Variants in ITSN1 observed in about 807,000 individuals in gnomAD.
The protein encoded by ITSN1 is intersectin-1.
ITSN1 carries 58 observed loss-of-function variants against 239.8 expected under a neutral mutation model. The observed-to-expected ratio is 0.24, with a 90% CI of 0.20 to 0.30. ITSN1 has a LOEUF of 0.30. ITSN1 is among the 10% of genes least tolerant of loss of function. The pLI, the probability that ITSN1 is intolerant of heterozygous loss-of-function variation, is 1.00. For missense variants in ITSN1, 1,558 were observed against 2,103.3 expected, an observed-to-expected ratio of 0.74 and a Z score of 5.07; for synonymous variants, 780 against 770.8, an observed-to-expected ratio of 1.01 and a Z score of -0.20.
At chr21:33,711,653 TGTG>T (rs898085296) in intron 1 of ITSN1, among the ~76,000 whole-genome samples, 15 of 10,802 alleles carry the variant, frequency 1.4e-3, no homozygotes, top group South Asian at 0.011. Context: ...TTCTGTGTGT[TGTG>T]TGTGTGTGTG....
chr21:33,823,267 C>A (rs2073794348), intron 24 of ITSN1, among the ~76,000 whole-genome samples: 1 of 152,166 alleles, frequency 6.6e-6, no homozygotes, highest in African/African-American at 2.4e-5. Flanking sequence ...TGGGTCTTCC[C>A]AGGAATTGTC....
At position 33,718,865 on chromosome 21, in the gene ITSN1, TC is replaced by T; in HGVS notation, c.28+10del. The T allele has an allele frequency of 1.9e-6, 3 of 1,611,418 alleles. No individual in the cohort carries two copies. Among genetic ancestry groups the T allele is most frequent in the Non-Finnish European group, 2.5e-6 (3 of 1,178,114 alleles). On this transcript the variant is annotated intron_variant, in intron 2 of 39. Coordinates refer to ENST00000381318, the MANE Select transcript of ITSN1 (RefSeq NM_003024.3). ...TCCAACACCTTTTGGTGGTAAGTTTTCAGAAATTTCTCTTTTTAATGTACTT... is the reference window on the plus strand; with the variant it reads ...TCCAACACCTTTTGGTGGTAAGTTTTAGAAATTTCTCTTTTTAATGTACTT...
chr21:33,845,372 T>A (rs1483017161), intron 29 of ITSN1, among the ~76,000 whole-genome samples: 1 of 152,124 alleles, frequency 6.6e-6, no homozygotes, highest in Non-Finnish European at 1.5e-5. Context: ...GAAGGATGAC[T>A]GAGTCTTCGA....
intron 1 of ITSN1, among the ~76,000 whole-genome samples, chr21:33,653,766 C>A (rs1286809601): frequency 6.6e-6 from 1 of 152,152 alleles, no homozygotes; most frequent in Non-Finnish European, 1.5e-5. Context: ...TCGTGATCCG[C>A]CCGTCTCGGC....
At chr21:33,842,657 G>A (rs2074864184) in intron 29 of ITSN1, among the ~76,000 whole-genome samples, 1 of 152,162 alleles carries the variant, frequency 6.6e-6, no homozygotes, top group Non-Finnish European at 1.5e-5. Flanking sequence ...AGAAGATTCT[G>A]GCAGAGGCTG....
At chr21:33,857,441 C>A (rs954480990) in intron 30 of ITSN1, among the ~76,000 whole-genome samples, 2 of 152,202 alleles carry the variant, frequency 1.3e-5, no homozygotes, top group Non-Finnish European at 2.9e-5. Context: ...AGATGCGGAG[C>A]CCGGCGCTCC....
intron 4 of ITSN1, among the ~76,000 whole-genome samples, chr21:33,731,971 G>T (rs1159571305): frequency 6.6e-6 from 1 of 152,148 alleles, no homozygotes; most frequent in Non-Finnish European, 1.5e-5. Context: ...GGAGACATAA[G>T]ACATCAATCA....
rs1455472192 is a variant in ITSN1, at chr21:33,765,908, T to A, written c.822T>A (p.Leu274=). ...NLSDIDQDGK[L]TAEEFILAMH... ...CTGACATTGATCAAGATGGAAAACT[T>A]ACAGCAGAGGAATTTATCCTGGCAA... Residue 274 remains leucine (L), a synonymous_variant, in exon 10 of 40, where the codon CTT becomes CTA. Coordinates refer to ENST00000381318, the MANE Select transcript of ITSN1 (RefSeq NM_003024.3). 6.2e-7 allele frequency: 1 copy of A among 1,614,164 alleles called. No homozygotes were observed. The highest frequency in any genetic ancestry group is 8.5e-7 in the Non-Finnish European group (1 of 1,179,986).
rs1412760893 is a variant in ITSN1, at chr21:33,856,872, G to A, written c.3783+15G>A. The A allele has an allele frequency of 1.2e-6, 2 of 1,613,696 alleles. No individual in the cohort carries two copies. Among genetic ancestry groups the A allele is most frequent in the Admixed American group, 1.7e-5 (1 of 60,016 alleles). On this transcript the variant is annotated intron_variant, in intron 30 of 39. Transcript: ENST00000381318. ...TGGTCACAGAGGTAAGGGAGCTGGT[G>A]GGGCAGGGGGCACGGCAGGGGGCGA...
chr21:33,644,400 A>G (rs1258662275), intron 1 of ITSN1, among the ~76,000 whole-genome samples: 1 of 152,212 alleles, frequency 6.6e-6, no homozygotes, highest in East Asian at 1.9e-4. Flanking sequence ...AGTCCAGTGG[A>G]GATCATTTCT....
chr21:33,784,915 G>T (rs2070530201), intron 16 of ITSN1, among the ~76,000 whole-genome samples: 1 of 152,188 alleles, frequency 6.6e-6, no homozygotes. Flanking sequence ...AGTGCCTTTA[G>T]AGCATCCACG....
At chr21:33,786,279 G>T (rs2070669557) in intron 16 of ITSN1, among the ~76,000 whole-genome samples, 1 of 152,140 alleles carries the variant, frequency 6.6e-6, no homozygotes, top group Non-Finnish European at 1.5e-5. Context: ...AATGTGTTCT[G>T]TATGTAACAA....
At position 33,865,232 on chromosome 21, in the gene ITSN1, G is replaced by T. The variant is rs369172359; in HGVS notation, c.3972G>T (p.Pro1324=). 1 of 1,613,402 alleles carries T rather than the reference G, an allele frequency of 6.2e-7. No homozygotes were observed. The highest frequency in any genetic ancestry group is 8.5e-7 in the Non-Finnish European group (1 of 1,179,766). The part of the protein sequence containing the change: ...MIGDILSAQL[P]HMQPYIRFCS... ...GAGACATCCTGAGCGCACAGCTGCC[G>T]CACATGCAGCCCTACATCCGCTTCT... Residue 1324 remains proline (P), a synonymous_variant, in exon 32 of 40, where the codon CCG becomes CCT. Transcript: ENST00000381318. This position sits in a 1 kb window ranked among gnomAD's most constrained non-coding sequence, Gnocchi z 4.4.
In ITSN1 at chr21:33,811,000, C is replaced by T; in HGVS notation, c.2345C>T (p.Pro782Leu). 1 of 1,614,148 alleles carries T rather than the reference C, an allele frequency of 6.2e-7. No individual in the cohort carries two copies. The highest frequency in any genetic ancestry group is 1.1e-5 in the South Asian group (1 of 91,084). Residue 782 changes from proline (P) to leucine (L), a missense_variant, in exon 21 of 40, where the codon CCC becomes CTC. Coordinates refer to ENST00000381318, the MANE Select transcript of ITSN1 (RefSeq NM_003024.3). ...GTGGATGAAAGCCAAACTGGAGAAC[C>T]CGGCTGGCTTGGAGGAGAATTAAAA... ...EWVDESQTGE[P>L]GWLGGELKGK...
At chr21:33,669,726 C>T (rs148990166) in intron 1 of ITSN1, among the ~76,000 whole-genome samples, 2,276 of 152,276 alleles carry the variant, frequency 0.015, 29 homozygotes, top group Middle Eastern at 0.031. Flanking sequence ...CAGGCGTGAG[C>T]CACCGCTCTC....
At chr21:33,862,627 A>C (rs1388509206) in intron 31 of ITSN1, among the ~76,000 whole-genome samples, 1 of 152,138 alleles carries the variant, frequency 6.6e-6, no homozygotes, top group Non-Finnish European at 1.5e-5. Context: ...GTCTGGGAAG[A>C]TGGGCAGGTG....
intron 31 of ITSN1, among the ~76,000 whole-genome samples, chr21:33,862,014 A>AAAC (rs35336367): frequency 6.9e-6 from 1 of 145,438 alleles, no homozygotes; most frequent in Non-Finnish European, 1.5e-5. Flanking sequence ...AAAAAAAAAA[A>AAAC]GAGCTGTGCG....
intron 1 of ITSN1, among the ~76,000 whole-genome samples, chr21:33,713,828 C>CTTTTTTTTTTTTT (rs35226795): frequency 1.1e-5 from 1 of 89,364 alleles, no homozygotes; most frequent in African/African-American, 4.6e-5. Flanking sequence ...CCAGCCTCAT[C>CTTTTTTTTTTTTT]TTTTTTTTTT....
At chr21:33,816,172 G>T (rs1285455379) in intron 22 of ITSN1, among the ~76,000 whole-genome samples, 1 of 151,022 alleles carries the variant, frequency 6.6e-6, no homozygotes, top group African/African-American at 2.4e-5. Context: ...CAGCCTGGGC[G>T]ACAGAGCAAG....
Sources: gnomAD v4.1 joint callset for allele counts (sites outside exome capture counted in the v4.1 genomes callset) on GRCh38, gnomAD v4.1.1 for gene constraint, Gnocchi (gnomAD v3.1) non-coding constraint, MANE v1.5 for transcripts, NCBI Gene and HGNC (gene_info 2026-07-23, HGNC 2026-07-21) for gene names.